The following RPH3AL variants were observed in gnomAD, a reference collection of about 807,000 sequenced individuals.
The protein encoded by RPH3AL is rab effector Noc2.
A neutral mutation model predicts 43.1 loss-of-function variants in RPH3AL; 38 were observed. That is an observed-to-expected ratio of 0.88 (90% CI 0.68 to 1.15). The LOEUF (loss-of-function observed/expected upper bound fraction) is 1.15, where lower values mean the gene tolerates loss of function less well. Among genes scored for constraint, RPH3AL ranks in the 50% most tolerant of loss-of-function variants. The probability of loss-of-function intolerance (pLI) is 0.00; values close to 1 mark genes in which losing one functional copy is unlikely to be tolerated. For missense variants in RPH3AL, 462 were observed against 423.2 expected, an observed-to-expected ratio of 1.09 and a Z score of -0.81; for synonymous variants, 189 against 176.3, an observed-to-expected ratio of 1.07 and a Z score of -0.57.
At chr17:235,521 G>A (rs2041354346) in intron 7 of RPH3AL, among the ~76,000 whole-genome samples, 5 of 144,520 alleles carry the variant, frequency 3.5e-5, no homozygotes, top group African/African-American at 1.0e-4. Context: ...GCTGGGGTCG[G>A]CGGAGGCTCC....
rs2042550581 is a variant in RPH3AL, at chr17:273,148, AGGGTGATGTCAGGGTGAGACCCCAGCGC to A, written c.438+8592_438+8619del. ...GTGACGTCAGGGAGAGACCCCAGCGAGGGTGATGTCAGGGTGAGACCCCAGCGCGGGTGACGTCAGGGAGAGACCCCAG... is the reference window on the plus strand; with the variant it reads ...GTGACGTCAGGGAGAGACCCCAGCGAGGGTGACGTCAGGGAGAGACCCCAG... On this transcript the variant is annotated intron_variant, in intron 6 of 9. Coordinates refer to ENST00000331302, the MANE Select transcript of RPH3AL (RefSeq NM_006987.4). 5.3e-4 allele frequency among the ~76,000 whole-genome samples: 14 copies of A among 26,542 alleles called. 4 individuals are homozygous for A. The highest frequency in any genetic ancestry group is 6.6e-3 in the South Asian group (2 of 302). 17.4% of individuals were successfully genotyped at this position (26,542 alleles called of 152,430 possible).
At chr17:260,131 C>A (rs1266233160) in intron 6 of RPH3AL, among the ~76,000 whole-genome samples, 1 of 152,208 alleles carries the variant, frequency 6.6e-6, no homozygotes, top group African/African-American at 2.4e-5. Context: ...CTGCCCCAAC[C>A]CCACGAGTCA....
chr17:230,320 C>G (rs897604476), intron 7 of RPH3AL, among the ~76,000 whole-genome samples: 5 of 152,224 alleles, frequency 3.3e-5, no homozygotes, highest in African/African-American at 1.2e-4. Context: ...ACAGTCCCTG[C>G]ACTCGCTTGA....
intron 6 of RPH3AL, among the ~76,000 whole-genome samples, chr17:263,500 G>A (rs554431704): frequency 3.9e-4 from 60 of 152,274 alleles, no homozygotes; most frequent in South Asian, 1.2e-3. Context: ...GGCGACTGCC[G>A]TTCCCCAACG....
At chr17:324,261 C>T (rs1049848760) in intron 3 of RPH3AL, among the ~76,000 whole-genome samples, 4 of 152,186 alleles carry the variant, frequency 2.6e-5, no homozygotes, top group African/African-American at 7.2e-5. Flanking sequence ...GGGCCGCCTC[C>T]GCACCCACGT....
At chr17:226,931 T>A (rs1479954255) in intron 7 of RPH3AL, among the ~76,000 whole-genome samples, 1 of 152,188 alleles carries the variant, frequency 6.6e-6, no homozygotes, top group Admixed American at 6.5e-5. Context: ...CTGGGATGGC[T>A]CACCGACGAG....
intron 5 of RPH3AL, among the ~76,000 whole-genome samples, chr17:298,394 C>T (rs1345514418): frequency 1.3e-5 from 2 of 152,196 alleles, no homozygotes; most frequent in Admixed American, 1.3e-4. Context: ...GCCTGGGATA[C>T]AGTCAACAGT....
chr17:284,606 G>T (rs2151610976), intron 5 of RPH3AL, among the ~76,000 whole-genome samples: 1 of 152,114 alleles, frequency 6.6e-6, no homozygotes, highest in Non-Finnish European at 1.5e-5. Flanking sequence ...GAGGGGAGAG[G>T]TTTCCAGCTG....
Position 213,121 on chromosome 17 carries a change from GC to G in RPH3AL, c.*730del, listed in dbSNP as rs1263977365. 1.3e-5 allele frequency: 2 copies of G among 152,344 alleles called. No homozygotes were observed. The highest frequency in any genetic ancestry group is 2.9e-5 in the Non-Finnish European group (2 of 68,186). 9.4% of individuals were successfully genotyped at this position (152,344 alleles called of 1,614,324 possible). The stretch of plus-strand genomic sequence containing the variant: ...ATACAAAAATTAACTGGGTGTGGTG[GC>G]GGGCATCTGTAATCCCACCTACTCA... On this transcript the variant is annotated 3_prime_UTR_variant, in exon 10 of 10. Transcript: ENST00000331302.
At chr17:229,755 C>T (rs1003289691) in intron 7 of RPH3AL, among the ~76,000 whole-genome samples, 6 of 152,060 alleles carry the variant, frequency 3.9e-5, no homozygotes, top group Non-Finnish European at 5.9e-5. Flanking sequence ...AACCCACCTC[C>T]GGGCCAGGGT....
In RPH3AL at chr17:215,046, C is replaced by T. The variant is rs1222791611; in HGVS notation, c.876+608G>A. 1.3e-5 allele frequency among the ~76,000 whole-genome samples: 2 copies of T among 152,298 alleles called. No individual in the cohort carries two copies. The highest frequency in any genetic ancestry group is 2.1e-4 in the South Asian group (1 of 4,830). On this transcript the variant is annotated intron_variant, in intron 9 of 9. Coordinates refer to ENST00000331302, the MANE Select transcript of RPH3AL (RefSeq NM_006987.4). This position sits in a 1 kb window ranked among gnomAD's most constrained non-coding sequence, Gnocchi z 4.1. ...TGGCTGCCGGGTGCCCTCCACACCC[C>T]GGGGACGGAGATCAGCTGCTGCCCT...
intron 1 of RPH3AL, among the ~76,000 whole-genome samples, chr17:352,228 G>A (rs1010031611): frequency 2.6e-5 from 4 of 152,148 alleles, no homozygotes; most frequent in South Asian, 4.1e-4. Context: ...AGCATAACAC[G>A]CAATACAAAC....
intron 5 of RPH3AL, among the ~76,000 whole-genome samples, chr17:316,801 G>T (rs1221084601): frequency 1.6e-5 from 2 of 126,908 alleles, no homozygotes; most frequent in Non-Finnish European, 3.2e-5. Context: ...TTGACCTGTA[G>T]TCCCTGTGCC....
intron 2 of RPH3AL, chr17:331,339 A>C: frequency 4.4e-5 from 2 of 45,604 alleles, no homozygotes; most frequent in South Asian, 1.3e-4. Flanking sequence ...TGTCGCCTCC[A>C]GAGCTGGGGC....
intron 5 of RPH3AL, 57 bp downstream of exon 5, chr17:319,363 C>T (rs1456857719): frequency 2.5e-6 from 4 of 1,585,350 alleles, no homozygotes; most frequent in Non-Finnish European, 3.4e-6. Context: ...AGCCACAGCG[C>T]AGCGGGGCTG....
intron 6 of RPH3AL, among the ~76,000 whole-genome samples, chr17:260,895 T>C (rs184297590): frequency 7.2e-5 from 11 of 152,292 alleles, no homozygotes; most frequent in Admixed American, 5.9e-4. Context: ...CGTTGTTCCT[T>C]CTCCCTTCCC....
At chr17:238,854 G>A (rs1189989699) in intron 7 of RPH3AL, among the ~76,000 whole-genome samples, 4 of 152,128 alleles carry the variant, frequency 2.6e-5, no homozygotes, top group African/African-American at 7.2e-5. Flanking sequence ...CCACAGCACC[G>A]GTGCCGCCAT....
intron 5 of RPH3AL, among the ~76,000 whole-genome samples, chr17:303,021 T>A (rs1325745792): frequency 6.6e-6 from 1 of 152,200 alleles, no homozygotes; most frequent in Non-Finnish European, 1.5e-5. Flanking sequence ...CTATGAGGCA[T>A]CCAAGTCAGA....
intron 7 of RPH3AL, among the ~76,000 whole-genome samples, chr17:239,009 A>C (rs1449013869): frequency 6.6e-6 from 1 of 152,174 alleles, no homozygotes; most frequent in Non-Finnish European, 1.5e-5. Flanking sequence ...AGGGGGAGAG[A>C]CATCGCTCAG....
Sources: gnomAD v4.1 joint callset for allele counts (sites outside exome capture counted in the v4.1 genomes callset) on GRCh38, gnomAD v4.1.1 for gene constraint, Gnocchi (gnomAD v3.1) non-coding constraint, MANE v1.5 for transcripts, NCBI Gene and HGNC (gene_info 2026-07-23, HGNC 2026-07-21) for gene names.